Variants in LTA observed in about 807,000 individuals in gnomAD.
LTA encodes lymphotoxin-alpha.
A neutral mutation model predicts 15.1 loss-of-function variants in LTA; 6 were observed. The observed-to-expected ratio is 0.40, with a 90% CI of 0.22 to 0.78. The LOEUF (loss-of-function observed/expected upper bound fraction) is 0.78. Ranked by LOEUF, LTA falls within the 30% of genes least tolerant of loss-of-function variation. The pLI is 0.38. For missense variants in LTA, 173 were observed against 249.5 expected (o/e 0.69, Z 2.06); for synonymous variants, 87 against 107.3 (o/e 0.81, Z 1.17).
upstream of LTA, among the ~76,000 whole-genome samples, chr6:31,567,873 C>G (rs1197335369): frequency 6.6e-6 from 1 of 152,082 alleles, no homozygotes; most frequent in Non-Finnish European, 1.5e-5. Context: ...CGTCAACACC[C>G]CCAGCTTGGT....
Position 31,573,026 on chromosome 6 carries a change from C to T in LTA, c.198C>T (p.His66=). The T allele has an allele frequency of 6.2e-7, 1 of 1,611,926 alleles. No individual in the cohort carries two copies. The part of the protein sequence containing the change: ...LAHSTLKPAA[H]LIGDPSKQNS... ...ACAGCACCCTCAAACCTGCTGCTCA[C>T]CTCATTGGTAAACATCCACCTGACC... Residue 66 remains histidine (H), a synonymous_variant, in exon 3 of 4, where the codon CAC becomes CAT. Transcript: ENST00000418386.
chr6:31,561,154 A>C, the LTA span, among the ~76,000 whole-genome samples: 3 of 152,186 alleles, frequency 2.0e-5, no homozygotes, highest in Admixed American at 6.5e-5. Flanking sequence ...GAGGGAGAAG[A>C]AGCACAGGTG....
At chr6:31,572,683 G>A (rs1255322828) in intron 1 of LTA, 51 bp from the exon 2 acceptor site, 18 of 1,393,782 alleles carry the variant, frequency 1.3e-5, no homozygotes, top group South Asian at 9.3e-5. Context: ...GTCTTCCGCC[G>A]CGTGCCCCGC....
upstream of LTA, among the ~76,000 whole-genome samples, chr6:31,569,794 CA>C (rs9279357): frequency 0.074 from 10,119 of 136,672 alleles, 378 homozygotes; most frequent in Middle Eastern, 0.15. Context: ...GAAACTGTCT[CA>C]AAAAAAAAAA....
intron 3 of LTA, 41 bp from the exon 4 acceptor site, chr6:31,573,240 A>G: frequency 6.4e-7 from 1 of 1,571,512 alleles, no homozygotes; most frequent in Non-Finnish European, 8.7e-7. Flanking sequence ...TCTGATCCAG[A>G]CCCCTGATCT....
Position 31,572,848 on chromosome 6 carries a change from C to A in LTA, c.99+7C>A. ...TCTGCTGCCTGGGGCCCAGGTGAGG[C>A]AGCAGGAGAATGGGGGCTGCTGGGG... On this transcript the variant is annotated splice_region_variant and intron_variant, in intron 2 of 3. Coordinates refer to ENST00000418386, the MANE Select transcript of LTA (RefSeq NM_000595.4). 1 of 1,611,736 alleles carries A rather than the reference C, an allele frequency of 6.2e-7. No homozygotes were observed. Among genetic ancestry groups the A allele is most frequent in the Non-Finnish European group, 8.5e-7 (1 of 1,179,816 alleles).
At chr6:31,568,122 C>T (rs1028775998), upstream of LTA, among the ~76,000 whole-genome samples, 3 of 152,154 alleles carry the variant, frequency 2.0e-5, no homozygotes, top group Admixed American at 6.5e-5. The surrounding 1 kb of genome is among the most constrained non-coding windows in gnomAD (Gnocchi z 4.1). Context: ...TTCCGTCTGG[C>T]CTCACTGGAA....
At chr6:31,562,239 G>A in the LTA span, among the ~76,000 whole-genome samples, 2 of 152,044 alleles carry the variant, frequency 1.3e-5, no homozygotes, top group East Asian at 1.9e-4. Context: ...TGAGAAAACC[G>A]TTTCCATTTA....
chr6:31,571,106 G>C (rs2150382923), upstream of LTA, among the ~76,000 whole-genome samples: 1 of 150,564 alleles, frequency 6.6e-6, no homozygotes, highest in East Asian at 1.9e-4. Context: ...TGTCCCCCAG[G>C]CTGGAATACA....
the LTA span, among the ~76,000 whole-genome samples, chr6:31,566,691 C>T: frequency 6.7e-6 from 1 of 148,234 alleles, no homozygotes; most frequent in Non-Finnish European, 1.5e-5. Context: ...GCCTGTAATC[C>T]CAGCACTTTG....
chr6:31,565,583 A>G, the LTA span, among the ~76,000 whole-genome samples: 3 of 152,154 alleles, frequency 2.0e-5, no homozygotes, highest in South Asian at 6.2e-4. Context: ...TGAAATCCAG[A>G]TGTGTATCTG....
At chr6:31,570,131 T>C (rs993327989), upstream of LTA, among the ~76,000 whole-genome samples, 2 of 152,248 alleles carry the variant, frequency 1.3e-5, no homozygotes, top group Non-Finnish European at 2.9e-5. Context: ...ATTATGCTTT[T>C]CTCTTGTTAA....
chr6:31,572,642 GGGGGGTGC>G, intron 1 of LTA, 84 bp from the exon 2 acceptor site: 1 of 828,696 alleles, frequency 1.2e-6, no homozygotes, highest in Non-Finnish European at 2.0e-6. Context: ...CTCGGGGGTC[GGGGGGTGC>G]TCTCTCCCAG....
At chr6:31,561,009 G>A in the LTA span, among the ~76,000 whole-genome samples, 1 of 152,182 alleles carries the variant, frequency 6.6e-6, no homozygotes, top group East Asian at 1.9e-4. Context: ...CCTCTGAGGA[G>A]ACAGCATTTG....
At chr6:31,569,444 G>A (rs62395778), upstream of LTA, among the ~76,000 whole-genome samples, 3,731 of 152,300 alleles carry the variant, frequency 0.024, 55 homozygotes, top group Middle Eastern at 0.095. Context: ...GAAAAAGAAA[G>A]GAGCAGGGGC....
At chr6:31,567,562 CAAAAG>C (rs987636104), upstream of LTA, among the ~76,000 whole-genome samples, 1 of 142,356 alleles carries the variant, frequency 7.0e-6, no homozygotes, top group African/African-American at 2.7e-5. Context: ...GACACCATGT[CAAAAG>C]AAAAAAAAAT....
chr6:31,573,168 C>T lies in LTA; in HGVS notation c.206-113C>T, dbSNP rs1583042042. 4.0e-6 allele frequency: 5 copies of T among 1,235,084 alleles called. No individual in the cohort carries two copies. The East Asian group carries it at 9.8e-5, about 24-fold the overall frequency. The allele number at this position is 1,235,084 out of a possible 1,614,324, so 76.5% of individuals were successfully genotyped here. Reference sequence around the variant, plus strand: ...AAACAGAGGGAGCCCACTCCTATGCCTCCCCCTGCCATCCCCCAGGAACTC... The same window carrying T: ...AAACAGAGGGAGCCCACTCCTATGCTTCCCCCTGCCATCCCCCAGGAACTC... On this transcript the variant is annotated intron_variant, in intron 3 of 3. Coordinates refer to ENST00000418386, the MANE Select transcript of LTA (RefSeq NM_000595.4).
chr6:31,567,645 AACAC>A (rs9279356), upstream of LTA, among the ~76,000 whole-genome samples: 1,971 of 122,032 alleles, frequency 0.016, 35 homozygotes, highest in South Asian at 0.082. Context: ...TCTCCCCTGC[AACAC>A]ACACACACAC....
upstream of LTA, among the ~76,000 whole-genome samples, chr6:31,569,554 A>G (rs185544867): frequency 8.8e-4 from 134 of 152,332 alleles, 2 homozygotes; most frequent in East Asian, 0.024. Flanking sequence ...GCACTTTGGG[A>G]GGCCAAGGCT....
Sources: gnomAD v4.1 joint callset for allele counts (sites outside exome capture counted in the v4.1 genomes callset) on GRCh38, gnomAD v4.1.1 for gene constraint, Gnocchi (gnomAD v3.1) non-coding constraint, MANE v1.5 for transcripts, NCBI Gene and HGNC (gene_info 2026-07-23, HGNC 2026-07-21) for gene names.